RGS17: variants seen among roughly 807,000 people sequenced by gnomAD.
The protein encoded by RGS17 is regulator of G-protein signaling 17.
In RGS17, 12 loss-of-function variants were observed where a neutral mutation model predicts 25.5. The observed-to-expected ratio is 0.47, with a 90% CI of 0.30 to 0.76. The LOEUF (loss-of-function observed/expected upper bound fraction) is 0.76. Among genes scored for constraint, RGS17 ranks in the 30% least tolerant of loss-of-function variants. The pLI is 0.07. For synonymous variants in RGS17, 71 were observed against 76.9 expected (o/e 0.92, Z 0.40); for missense variants, 196 against 242.2 (o/e 0.81, Z 1.27).
intron 1 of RGS17, among the ~76,000 whole-genome samples, chr6:153,054,068 A>G (rs1277040602): frequency 1.2e-4 from 6 of 49,140 alleles, no homozygotes; most frequent in African/African-American, 4.5e-4. Context: ...ATATATATAC[A>G]TATATATATA....
At position 153,008,798 on chromosome 6, in the gene RGS17, T is replaced by C. The variant is rs1779103283; in HGVS notation, c.*2776A>G. 6.6e-6 allele frequency: 1 copy of C among 152,204 alleles called. No homozygotes were observed. The highest frequency in any genetic ancestry group is 6.5e-5 in the Admixed American group (1 of 15,282). 9.4% of individuals were successfully genotyped at this position (152,204 alleles called of 1,614,324 possible). A position where few individuals can be genotyped will look rare whatever the true frequency, so the allele number is the denominator to read the frequency against. Reference sequence around the variant, plus strand: ...AACAAATATTGTGCTCTTGGAATGGTAGCATAGACACCAGTTGAAGGCTCT... The same window carrying C: ...AACAAATATTGTGCTCTTGGAATGGCAGCATAGACACCAGTTGAAGGCTCT... On this transcript the variant is annotated 3_prime_UTR_variant, in exon 5 of 5. Transcript: ENST00000206262.
intron 3 of RGS17, among the ~76,000 whole-genome samples, chr6:153,026,201 A>T (rs9384066): frequency 0.16 from 23,598 of 152,212 alleles, 2,368 homozygotes; most frequent in Non-Finnish European, 0.22. Context: ...CTAATTCATA[A>T]GACAATCTTT....
At chr6:153,126,188 T>C (rs7749389) in intron 1 of RGS17, among the ~76,000 whole-genome samples, 3,266 of 152,328 alleles carry the variant, frequency 0.021, 112 homozygotes, top group African/African-American at 0.073. Context: ...ATGATCTCTA[T>C]GTACTCCCAT....
At chr6:153,053,395 G>T (rs552541940) in intron 1 of RGS17, among the ~76,000 whole-genome samples, 1 of 152,148 alleles carries the variant, frequency 6.6e-6, no homozygotes, top group African/African-American at 2.4e-5. Context: ...TCCATTACTG[G>T]GTGTTCGGGA....
intron 4 of RGS17, among the ~76,000 whole-genome samples, chr6:153,019,301 A>G (rs1208809253): frequency 6.6e-6 from 1 of 152,126 alleles, no homozygotes; most frequent in Admixed American, 6.5e-5. Flanking sequence ...GTTTTCTTCA[A>G]TTCAGATACA....
At chr6:153,072,114 G>A (rs1776812820) in intron 1 of RGS17, among the ~76,000 whole-genome samples, 1 of 152,074 alleles carries the variant, frequency 6.6e-6, no homozygotes, top group Non-Finnish European at 1.5e-5. Flanking sequence ...GCATCTAAGG[G>A]AGTGTCCAAC....
intron 1 of RGS17, among the ~76,000 whole-genome samples, chr6:153,058,589 TG>T (rs1776595695): frequency 6.6e-6 from 1 of 152,250 alleles, no homozygotes; most frequent in Non-Finnish European, 1.5e-5. Context: ...TGATTCAGTG[TG>T]GGGCCCCACA....
intron 2 of RGS17, among the ~76,000 whole-genome samples, chr6:153,042,000 C>T (rs866081652): frequency 6.6e-6 from 1 of 152,116 alleles, no homozygotes. Flanking sequence ...ATTTTTATTA[C>T]TGGCATTTAA....
Position 153,010,893 on chromosome 6 carries a change from T to G in RGS17, c.*681A>C, listed in dbSNP as rs575326143. On this transcript the variant is annotated 3_prime_UTR_variant, in exon 5 of 5. Transcript: ENST00000206262. ...TTTTTTCCTTCTTCCCTTTTTTTTT[T>G]TTTTTGTTTTTTGCTTTTAGCATAG... The G allele has an allele frequency of 1.3e-5, 2 of 151,264 alleles. No individual in the cohort carries two copies. The highest frequency in any genetic ancestry group is 3.9e-4 in the East Asian group (2 of 5,166). 9.4% of individuals were successfully genotyped at this position (151,264 alleles called of 1,614,324 possible). A position where few individuals can be genotyped will look rare whatever the true frequency, so the allele number is the denominator to read the frequency against.
chr6:153,035,326 C>T (rs1052111328), intron 2 of RGS17, among the ~76,000 whole-genome samples: 1 of 151,798 alleles, frequency 6.6e-6, no homozygotes, highest in East Asian at 1.9e-4. Context: ...TTTATAGCAC[C>T]CAGTCCAGCA....
chr6:153,122,479 T>C (rs2129127086), intron 1 of RGS17, among the ~76,000 whole-genome samples: 1 of 152,182 alleles, frequency 6.6e-6, no homozygotes, highest in Non-Finnish European at 1.5e-5. Flanking sequence ...TCTTCATCAG[T>C]GAAAATTGAA....
chr6:153,077,342 T>TG (rs11431780), intron 1 of RGS17, among the ~76,000 whole-genome samples: 48,340 of 151,850 alleles, frequency 0.32, 7,846 homozygotes, highest in East Asian at 0.44. Context: ...AGATCCTGCA[T>TG]GGGAAAAAAA....
chr6:153,021,305 T>C (rs891131843), intron 4 of RGS17, among the ~76,000 whole-genome samples: 7 of 152,176 alleles, frequency 4.6e-5, no homozygotes, highest in African/African-American at 1.7e-4. Flanking sequence ...TCTCCAATGT[T>C]AGAAAACAAA....
At position 153,011,340 on chromosome 6, in the gene RGS17, A is replaced by G. The variant is rs976853142; in HGVS notation, c.*234T>C. 1 of 487,434 alleles carries G rather than the reference A, an allele frequency of 2.1e-6. No individual in the cohort carries two copies. Among genetic ancestry groups the G allele is most frequent in the Admixed American group, 3.9e-5 (1 of 25,872 alleles). 30.2% of individuals were successfully genotyped at this position (487,434 alleles called of 1,614,324 possible). ...CAAATACACTTTGCTTGCAAGTAGA[A>G]TGAGTCTTGAATAAAACAAACAATT... On this transcript the variant is annotated 3_prime_UTR_variant, in exon 5 of 5. Transcript: ENST00000206262.
intron 1 of RGS17, among the ~76,000 whole-genome samples, chr6:153,099,196 C>T (rs1777260027): frequency 6.6e-6 from 1 of 152,202 alleles, no homozygotes; most frequent in Non-Finnish European, 1.5e-5. Context: ...TCTACTCACT[C>T]TGCACATACT....
At chr6:153,047,388 C>T (rs1776399035) in intron 1 of RGS17, among the ~76,000 whole-genome samples, 1 of 152,134 alleles carries the variant, frequency 6.6e-6, no homozygotes, top group African/African-American at 2.4e-5. Flanking sequence ...CTGCCCTAAC[C>T]CTCTAATGAA....
chr6:153,055,174 C>T (rs1776535916), intron 1 of RGS17, among the ~76,000 whole-genome samples: 1 of 152,078 alleles, frequency 6.6e-6, no homozygotes. Context: ...CATCCTGGAA[C>T]CCCTATTTGC....
chr6:153,128,963 A>G (rs1255835875), intron 1 of RGS17, among the ~76,000 whole-genome samples: 2 of 152,226 alleles, frequency 1.3e-5, no homozygotes, highest in Non-Finnish European at 2.9e-5. Context: ...GGTCGAAATC[A>G]ATCAGCATAA....
At position 153,010,249 on chromosome 6, in the gene RGS17, A is replaced by G. The variant is rs551218212; in HGVS notation, c.*1325T>C. 1 of 152,162 alleles carries G rather than the reference A, an allele frequency of 6.6e-6. No homozygotes were observed. The highest frequency in any genetic ancestry group is 1.9e-4 in the East Asian group (1 of 5,186). The allele number at this position is 152,162 out of a possible 1,614,324, so 9.4% of individuals were successfully genotyped here. ...TATAAATATGACACTGATTATTTTA[A>G]TTATCACTTTTATGCATGACAGAAT... On this transcript the variant is annotated 3_prime_UTR_variant, in exon 5 of 5. Transcript: ENST00000206262.
Sources: gnomAD v4.1 joint callset for allele counts (sites outside exome capture counted in the v4.1 genomes callset) on GRCh38, gnomAD v4.1.1 for gene constraint, MANE v1.5 for transcripts, NCBI Gene and HGNC (gene_info 2026-07-23, HGNC 2026-07-21) for gene names.